TVP23C: variants seen among roughly 807,000 people sequenced by gnomAD.
The protein encoded by TVP23C is Golgi apparatus membrane protein TVP23 homolog C.
TVP23C carries 19 observed loss-of-function variants against 28.7 expected under a neutral mutation model. That is an observed-to-expected ratio of 0.66 (90% CI 0.46 to 0.97). TVP23C has a LOEUF of 0.97. TVP23C is among the 50% of genes least tolerant of loss of function. TVP23C has a pLI of 0.00. For synonymous variants in TVP23C, 68 were observed against 81.7 expected, an observed-to-expected ratio of 0.83 and a Z score of 0.90; for missense variants, 186 against 241.3, an observed-to-expected ratio of 0.77 and a Z score of 1.52.
chr17:15,505,157 C>T (rs938407344), intron 5 of TVP23C, among the ~76,000 whole-genome samples: 1 of 152,104 alleles, frequency 6.6e-6, no homozygotes, highest in African/African-American at 2.4e-5. Flanking sequence ...TTAAAGCAAA[C>T]CTATCCAGCA....
chr17:15,506,981 TA>T, intron 5 of TVP23C: 1 of 1,281,430 alleles, frequency 7.8e-7, no homozygotes. Flanking sequence ...TTTCATGCTC[TA>T]AGCACTGGAG....
At chr17:15,502,933 C>T (rs1311882919) in exon 6 of TVP23C, 1 of 1,613,788 alleles carries the variant, frequency 6.2e-7, no homozygotes, top group African/African-American at 1.3e-5. Flanking sequence ...TGGGACTCTC[C>T]CCACCTCCCC....
downstream of TVP23C, among the ~76,000 whole-genome samples, chr17:15,536,237 A>AGATGG (rs1013635574): frequency 3.3e-5 from 5 of 152,200 alleles, no homozygotes; most frequent in African/African-American, 1.2e-4. Flanking sequence ...TATACCCACA[A>AGATGG]GATGGGATTC....
At chr17:15,560,192 A>T in intron 1 of TVP23C, among the ~76,000 whole-genome samples, 1 of 149,404 alleles carries the variant, frequency 6.7e-6, no homozygotes, top group East Asian at 2.0e-4. Context: ...CAGCCTCCCG[A>T]GTAGCTGAGA....
At position 15,503,908 on chromosome 17, in the gene TVP23C, G is replaced by T. The variant is rs577748952; in HGVS notation, c.463-676C>A. On this transcript the variant is annotated intron_variant, in intron 5 of 5. Transcript: ENST00000225576. ...GAGTGGGTGTCAGCCTTTTGGGAGG[G>T]GGAATGGAAGGGCTGGGAAGGGTGG... 2.0e-5 allele frequency among the ~76,000 whole-genome samples: 3 copies of T among 152,098 alleles called. No homozygotes were observed. In the South Asian group the frequency reaches 6.2e-4, roughly 32 times the overall value.
exon 6 of TVP23C, chr17:15,502,724 CTCTCTCTTTCTCTCTCCTCTCTCCCG>C (rs1196465587): frequency 4.1e-5 from 50 of 1,217,270 alleles, no homozygotes; most frequent in Middle Eastern, 2.9e-4. Context: ...TCTCTCCTCT[CTCTCTCTTTCTCTCTCCTCTCTCCCG>C]TCTCTTTCTC....
At chr17:15,505,128 C>A (rs1372675578) in intron 5 of TVP23C, among the ~76,000 whole-genome samples, 1 of 152,146 alleles carries the variant, frequency 6.6e-6, no homozygotes, top group Non-Finnish European at 1.5e-5. Context: ...TAGTCCTAGA[C>A]ATTTTATTCC....
At chr17:15,554,473 G>A (rs1254301729) in intron 2 of TVP23C, among the ~76,000 whole-genome samples, 4 of 152,096 alleles carry the variant, frequency 2.6e-5, no homozygotes, top group Non-Finnish European at 4.4e-5. Context: ...TCCTGACCTC[G>A]TGATCCACCT....
intron 3 of TVP23C, 74 bp from the exon 4 acceptor site, chr17:15,547,222 T>G: frequency 6.2e-7 from 1 of 1,602,566 alleles, no homozygotes; most frequent in Non-Finnish European, 8.5e-7. Flanking sequence ...CCTATCTTAG[T>G]GTAACATTTC....
chr17:15,561,963 A>G (rs1161888913), intron 1 of TVP23C, among the ~76,000 whole-genome samples: 1 of 152,106 alleles, frequency 6.6e-6, no homozygotes, highest in East Asian at 1.9e-4. Flanking sequence ...GGTCGTCCTC[A>G]CTACTAGACT....
At chr17:15,525,691 T>C (rs1459405435) in intron 5 of TVP23C, among the ~76,000 whole-genome samples, 1 of 152,220 alleles carries the variant, frequency 6.6e-6, no homozygotes, top group Non-Finnish European at 1.5e-5. Context: ...CATGTGTGTG[T>C]GCATGCACGC....
At chr17:15,525,677 T>C (rs1468100579) in intron 5 of TVP23C, among the ~76,000 whole-genome samples, 1 of 152,220 alleles carries the variant, frequency 6.6e-6, no homozygotes, top group African/African-American at 2.4e-5. Flanking sequence ...TGTGTGTGTG[T>C]GTGCATGTGT....
At chr17:15,521,363 G>T (rs1195399544) in intron 5 of TVP23C, among the ~76,000 whole-genome samples, 2 of 152,116 alleles carry the variant, frequency 1.3e-5, no homozygotes, top group African/African-American at 4.8e-5. Context: ...AATTGGCCAG[G>T]CGTGGTGGTG....
chr17:15,507,288 C>G, intron 5 of TVP23C: 1 of 753,556 alleles, frequency 1.3e-6, no homozygotes, highest in East Asian at 2.5e-5. Flanking sequence ...GCCCATGGAG[C>G]GCTTTCGGTC....
intron 2 of TVP23C, among the ~76,000 whole-genome samples, chr17:15,554,852 G>C (rs986219675): frequency 6.6e-6 from 1 of 152,170 alleles, no homozygotes; most frequent in Non-Finnish European, 1.5e-5. Context: ...AAAGATGAAA[G>C]AAAAGTAAAA....
At chr17:15,519,834 G>A (rs1432546036) in intron 5 of TVP23C, among the ~76,000 whole-genome samples, 1 of 152,136 alleles carries the variant, frequency 6.6e-6, no homozygotes, top group Non-Finnish European at 1.5e-5. Context: ...CCCGGGAGGC[G>A]GAGCTTGCAG....
intron 5 of TVP23C, among the ~76,000 whole-genome samples, chr17:15,509,870 A>C (rs1457416054): frequency 1.3e-5 from 2 of 152,164 alleles, no homozygotes; most frequent in African/African-American, 2.4e-5. Context: ...CTCTTGCCTC[A>C]CCCTGAAGGC....
chr17:15,551,309 T>C (rs1278034036), intron 3 of TVP23C, among the ~76,000 whole-genome samples: 2 of 147,904 alleles, frequency 1.4e-5, no homozygotes, highest in African/African-American at 5.0e-5. Flanking sequence ...GGTTTCACCA[T>C]GTTAGCCAGG....
intron 5 of TVP23C, among the ~76,000 whole-genome samples, chr17:15,520,772 C>T (rs1982441012): frequency 6.6e-6 from 1 of 152,208 alleles, no homozygotes; most frequent in Non-Finnish European, 1.5e-5. Flanking sequence ...CAAAATTATA[C>T]TGGAGTTCCT....
Sources: allele counts gnomAD v4.1 joint callset (sites outside exome capture counted in the v4.1 genomes callset), GRCh38; gene constraint gnomAD v4.1.1; transcripts MANE v1.5; gene names NCBI Gene and HGNC (gene_info 2026-07-23, HGNC 2026-07-21).